SIL1: variants seen among roughly 807,000 people sequenced by gnomAD.
The protein encoded by SIL1 is SIL1 nucleotide exchange factor, also known as nucleotide exchange factor SIL1.
In SIL1, 40 loss-of-function variants were observed where a neutral mutation model predicts 49.1. That is an observed-to-expected ratio of 0.81 (90% CI 0.63 to 1.06). The LOEUF is 1.06. Ranked by LOEUF, SIL1 falls within the 50% of genes least tolerant of loss-of-function variation. SIL1 has a pLI of 0.00. For missense variants in SIL1, 500 were observed against 572.6 expected (o/e 0.87, Z 1.29); for synonymous variants, 253 against 250.8 (o/e 1.01, Z -0.08).
intron 4 of SIL1, among the ~76,000 whole-genome samples, chr5:139,044,506 A>G (rs576540257): frequency 1.3e-5 from 2 of 152,138 alleles, no homozygotes; most frequent in Non-Finnish European, 2.9e-5. Flanking sequence ...ACGCACACAC[A>G]CGAAACAGTC....
At chr5:139,114,650 A>C (rs1770946365) in intron 3 of SIL1, among the ~76,000 whole-genome samples, 1 of 152,198 alleles carries the variant, frequency 6.6e-6, no homozygotes, top group South Asian at 2.1e-4. Flanking sequence ...ATGAAGTTCT[A>C]AGGAAATCCC....
intron 7 of SIL1, among the ~76,000 whole-genome samples, chr5:138,983,248 C>CCTGTCAT (rs1180973221): frequency 6.8e-6 from 1 of 147,678 alleles, no homozygotes; most frequent in Non-Finnish European, 1.5e-5. Flanking sequence ...GTGGCTCACA[C>CCTGTCAT]CTGTCATCCC....
chr5:139,195,474 G>A (rs1440298460), intron 1 of SIL1, among the ~76,000 whole-genome samples: 4 of 152,028 alleles, frequency 2.6e-5, no homozygotes, highest in African/African-American at 7.2e-5. Context: ...TGCAAGCTCC[G>A]CTTCCCAGGT....
At chr5:139,005,546 C>T (rs1365390698) in intron 7 of SIL1, among the ~76,000 whole-genome samples, 2 of 136,302 alleles carry the variant, frequency 1.5e-5, no homozygotes, top group Admixed American at 7.4e-5. Context: ...TGGTGCGCTG[C>T]GCCCACTAAC....
intron 5 of SIL1, among the ~76,000 whole-genome samples, chr5:139,039,086 G>C (rs1554128462): frequency 6.6e-6 from 1 of 152,216 alleles, no homozygotes; most frequent in Non-Finnish European, 1.5e-5. Flanking sequence ...TACACCAGCA[G>C]GGGAAGCAGA....
chr5:139,099,521 A>C (rs1171037262), intron 3 of SIL1, among the ~76,000 whole-genome samples: 1 of 152,202 alleles, frequency 6.6e-6, no homozygotes, highest in Non-Finnish European at 1.5e-5. Flanking sequence ...ATTGGAAGCA[A>C]CTTAAGTGTC....
At chr5:139,172,709 A>G (rs1306113752) in intron 1 of SIL1, among the ~76,000 whole-genome samples, 5 of 152,224 alleles carry the variant, frequency 3.3e-5, no homozygotes, top group Admixed American at 6.5e-5. Flanking sequence ...AGGATCCTCA[A>G]TAAGATAAGG....
chr5:139,078,599 C>T (rs890049708), intron 3 of SIL1, among the ~76,000 whole-genome samples: 7 of 152,230 alleles, frequency 4.6e-5, no homozygotes, highest in Admixed American at 2.0e-4. Context: ...TGTGGCTTCT[C>T]TGCTCGGCCT....
Position 138,947,365 on chromosome 5 carries a change from C to T in SIL1, c.1138G>A (p.Glu380Lys), listed in dbSNP as rs769367813. 33 of 1,613,586 alleles carry T rather than the reference C, an allele frequency of 2.0e-5. No homozygotes were observed. Among genetic ancestry groups the T allele is most frequent in the African/African-American group, 2.7e-5 (2 of 74,930 alleles). ...LPGLWEQGWCEITAHLLALPE... is the reference protein window; with the variant it reads ...LPGLWEQGWCKITAHLLALPE... ...AGCGCCAGGAGGTGGGCCGTGATCT[C>T]GCACCAGCCCTGTTCCCACAGGCCT... Residue 380 changes from glutamate to lysine, a missense_variant, in exon 10 of 10, where the codon GAG becomes AAG. Glu to Lys is a moderately conservative substitution (Grantham distance 56). Coordinates refer to ENST00000394817, the MANE Select transcript of SIL1 (RefSeq NM_022464.5). This position sits in a 1 kb window ranked among gnomAD's most constrained non-coding sequence, Gnocchi z 4.1.
At chr5:139,164,510 T>C (rs571713971) in intron 1 of SIL1, among the ~76,000 whole-genome samples, 42 of 152,266 alleles carry the variant, frequency 2.8e-4, no homozygotes, top group African/African-American at 9.4e-4. Flanking sequence ...AGTCAGCCTC[T>C]CTCAGCCCCT....
intron 3 of SIL1, among the ~76,000 whole-genome samples, chr5:139,120,311 G>C (rs1317821561): frequency 6.6e-6 from 1 of 152,014 alleles, no homozygotes; most frequent in Non-Finnish European, 1.5e-5. Flanking sequence ...CAGGCTCTGG[G>C]GTCAATGGCA....
chr5:138,949,544 G>C (rs559240590), intron 9 of SIL1, among the ~76,000 whole-genome samples: 1 of 152,276 alleles, frequency 6.6e-6, no homozygotes, highest in East Asian at 1.9e-4. Context: ...GCTGGACTTA[G>C]TGACTCACGC....
intron 5 of SIL1, among the ~76,000 whole-genome samples, chr5:139,040,005 A>G (rs576044100): frequency 2.0e-5 from 3 of 152,146 alleles, no homozygotes; most frequent in Non-Finnish European, 4.4e-5. Flanking sequence ...CTCGTCCCCA[A>G]AAACATCCAG....
At chr5:139,094,531 T>C (rs1467668551) in intron 3 of SIL1, among the ~76,000 whole-genome samples, 1 of 152,200 alleles carries the variant, frequency 6.6e-6, no homozygotes, top group Non-Finnish European at 1.5e-5. Context: ...GGCTAAAACA[T>C]TTTTGAAAGG....
At chr5:138,984,805 G>A (rs571347042) in intron 7 of SIL1, among the ~76,000 whole-genome samples, 158 of 152,342 alleles carry the variant, frequency 1.0e-3, no homozygotes, top group African/African-American at 3.6e-3. Flanking sequence ...CCAAGCTAGG[G>A]TGTGGGCAAA....
chr5:138,972,727 G>A (rs1272487596), intron 7 of SIL1, among the ~76,000 whole-genome samples: 1 of 152,200 alleles, frequency 6.6e-6, no homozygotes, highest in Non-Finnish European at 1.5e-5. Context: ...AGTTCAAACA[G>A]CAACTAACCT....
chr5:138,954,574 C>T (rs545696030), intron 7 of SIL1, among the ~76,000 whole-genome samples: 1 of 152,394 alleles, frequency 6.6e-6, no homozygotes, highest in South Asian at 2.1e-4. Flanking sequence ...ATGAGGCTTG[C>T]GCTTCCAGCT....
intron 7 of SIL1, among the ~76,000 whole-genome samples, chr5:138,960,966 G>C (rs942321082): frequency 6.6e-6 from 1 of 152,164 alleles, no homozygotes; most frequent in Non-Finnish European, 1.5e-5. Context: ...TTCTGGATCT[G>C]GGTGGTGGTT....
intron 1 of SIL1, among the ~76,000 whole-genome samples, chr5:139,182,631 G>A (rs1465280963): frequency 6.6e-6 from 1 of 152,212 alleles, no homozygotes; most frequent in East Asian, 1.9e-4. Flanking sequence ...ACTGACAAGT[G>A]TATTCTGGTC....
Sources: allele counts gnomAD v4.1 joint callset (sites outside exome capture counted in the v4.1 genomes callset), GRCh38; gene constraint gnomAD v4.1.1; non-coding constraint Gnocchi (gnomAD v3.1); transcripts MANE v1.5; gene names NCBI Gene and HGNC (gene_info 2026-07-23, HGNC 2026-07-21).